Variants in LTBP1 observed in about 807,000 individuals in gnomAD.
LTBP1 encodes latent transforming growth factor beta binding protein 1.
A neutral mutation model predicts 207.6 loss-of-function variants in LTBP1; 129 were observed. The observed-to-expected ratio is 0.62, with a 90% CI of 0.54 to 0.72. The LOEUF is 0.72. LTBP1 is among the 30% of genes least tolerant of loss of function. LTBP1 has a pLI of 0.00. For synonymous variants in LTBP1, 963 were observed against 833.7 expected, an observed-to-expected ratio of 1.16 and a Z score of -2.67; for missense variants, 2,281 against 2,217.2, an observed-to-expected ratio of 1.03 and a Z score of -0.58.
chr2:33,327,136 A>T (rs544186116), intron 24 of LTBP1, among the ~76,000 whole-genome samples: 36 of 152,286 alleles, frequency 2.4e-4, no homozygotes, highest in African/African-American at 8.7e-4. Flanking sequence ...AGTGGTTCAG[A>T]TAGACTCTGG....
chr2:33,011,928 A>G (rs1172944514), intron 2 of LTBP1, among the ~76,000 whole-genome samples: 1 of 151,822 alleles, frequency 6.6e-6, no homozygotes, highest in East Asian at 1.9e-4. Context: ...TGTGTTATTT[A>G]TTTCTCTCCG....
At position 33,021,095 on chromosome 2, in the gene LTBP1, A is replaced by G. The variant is rs975296068; in HGVS notation, c.752A>G (p.His251Arg). 6.2e-7 allele frequency: 1 copy of G among 1,614,154 alleles called. No individual in the cohort carries two copies. Among genetic ancestry groups the G allele is most frequent in the Admixed American group, 1.7e-5 (1 of 60,018 alleles). ...SWGPPEQAAKHTSSKKADTLP... is the reference protein window; with the variant it reads ...SWGPPEQAAKRTSSKKADTLP... ...GGCCCTCCTGAGCAAGCAGCAAAGC[A>G]TACTTCATCTAAGAAGGCAGACACT... The change falls in exon 3 of 34, where the codon CAT becomes CGT. Residue 251 changes from histidine (H) to arginine (R), a missense_variant. This residue lies in a region of LTBP1 where 555 missense variants were observed against 491.0 expected (regional missense o/e 1.13). Coordinates refer to ENST00000404816, the MANE Select transcript of LTBP1 (RefSeq NM_206943.4).
At chr2:33,101,787 T>G (rs760129166) in intron 3 of LTBP1, among the ~76,000 whole-genome samples, 1 of 152,200 alleles carries the variant, frequency 6.6e-6, no homozygotes, top group Admixed American at 6.5e-5. Flanking sequence ...AGTAACCAAA[T>G]GTAGTAGCTC....
At chr2:33,228,818 G>A (rs916762103) in intron 9 of LTBP1, among the ~76,000 whole-genome samples, 5 of 149,352 alleles carry the variant, frequency 3.3e-5, no homozygotes, top group South Asian at 4.3e-4. Context: ...CCCTGCCTCG[G>A]CCTCCCAAGT....
rs1459765634 is a variant in LTBP1 at position 33,360,622 on chromosome 2, C to T, written c.4026C>T (p.Pro1342=). ...STDLDVDVDQ[P]KEEKKECYYN... ...ATTTAGATGTAGATGTAGATCAACCCAAAGAAGAAAAGAAAGAATGCTACT... is the reference window on the plus strand; with the variant it reads ...ATTTAGATGTAGATGTAGATCAACCTAAAGAAGAAAAGAAAGAATGCTACT... Residue 1342 remains proline, a synonymous_variant, in exon 27 of 34, where the codon CCC becomes CCT. Coordinates refer to ENST00000404816, the MANE Select transcript of LTBP1 (RefSeq NM_206943.4). 20 of 1,613,404 alleles carry T rather than the reference C, an allele frequency of 1.2e-5. No individual in the cohort carries two copies. In the East Asian group the frequency reaches 4.5e-4, roughly 36 times the overall value.
intron 3 of LTBP1, among the ~76,000 whole-genome samples, chr2:33,059,305 G>T (rs1460555681): frequency 6.6e-6 from 1 of 152,162 alleles, no homozygotes; most frequent in Non-Finnish European, 1.5e-5. Flanking sequence ...ATGTACTTGG[G>T]TAGTCAAGCG....
intron 5 of LTBP1, among the ~76,000 whole-genome samples, chr2:33,152,261 G>C (rs796865582): frequency 5.3e-5 from 8 of 152,194 alleles, no homozygotes; most frequent in African/African-American, 1.9e-4. Flanking sequence ...GGCTAAGGAC[G>C]TGAATGGACA....
At chr2:33,197,954 C>T (rs2088765004) in intron 7 of LTBP1, among the ~76,000 whole-genome samples, 1 of 152,098 alleles carries the variant, frequency 6.6e-6, no homozygotes. Context: ...CATATAAATA[C>T]CTGAGTTAAT....
chr2:33,017,979 TA>T (rs1688625422), intron 2 of LTBP1, among the ~76,000 whole-genome samples: 1 of 152,164 alleles, frequency 6.6e-6, no homozygotes, highest in Non-Finnish European at 1.5e-5. Flanking sequence ...CTCCGTGCTC[TA>T]GGGGGCACCT....
chr2:33,051,811 G>T (rs975706430), intron 3 of LTBP1, among the ~76,000 whole-genome samples: 37 of 152,148 alleles, frequency 2.4e-4, no homozygotes, highest in Admixed American at 2.6e-4. Context: ...TGCTCAATCT[G>T]CTAGGCTTAC....
At chr2:33,341,595 C>A (rs1327356585) in intron 24 of LTBP1, among the ~76,000 whole-genome samples, 1 of 150,944 alleles carries the variant, frequency 6.6e-6, no homozygotes, top group East Asian at 1.9e-4. Flanking sequence ...CCTGTAGTCC[C>A]AGCTACTCAG....
intron 13 of LTBP1, 128 bp downstream of exon 13, chr2:33,259,738 A>G: frequency 1.3e-6 from 1 of 791,688 alleles, no homozygotes; most frequent in Non-Finnish European, 1.9e-6. Flanking sequence ...GTTTGAGTTA[A>G]TATAGCATTC....
intron 4 of LTBP1, among the ~76,000 whole-genome samples, chr2:33,127,742 A>C (rs1272743916): frequency 6.6e-6 from 1 of 152,206 alleles, no homozygotes; most frequent in Non-Finnish European, 1.5e-5. Context: ...GGGTTGAAAC[A>C]TTTGGTTGTG....
At position 33,248,219 on chromosome 2, in the gene LTBP1, G is replaced by A. The variant is rs140185360; in HGVS notation, c.1999+4435G>A. ...AATAATAATTTTTATTGCAAACTTC[G>A]TAAATGCCAGGCACTGTGCTAAGCA... On this transcript the variant is annotated intron_variant, in intron 10 of 33. Coordinates refer to ENST00000404816, the MANE Select transcript of LTBP1 (RefSeq NM_206943.4). Among the ~76,000 whole-genome samples, 44 of 152,250 alleles carry A rather than the reference G, an allele frequency of 2.9e-4. 1 individual carries two copies. Among genetic ancestry groups the A allele is most frequent in the African/African-American group, 1.1e-3 (44 of 41,542 alleles).
At chr2:33,358,491 C>T (rs1056327403) in intron 26 of LTBP1, among the ~76,000 whole-genome samples, 3 of 151,630 alleles carry the variant, frequency 2.0e-5, no homozygotes, top group Non-Finnish European at 2.9e-5. Flanking sequence ...GCTTTGGACT[C>T]GAGAAGCCTA....
chr2:32,957,144 A>G (rs1403909321), intron 2 of LTBP1, among the ~76,000 whole-genome samples: 1 of 152,210 alleles, frequency 6.6e-6, no homozygotes, highest in African/African-American at 2.4e-5. Flanking sequence ...TTTGGCTTCA[A>G]CTTAAAGTCA....
At chr2:33,137,783 G>C (rs2082265825) in intron 5 of LTBP1, among the ~76,000 whole-genome samples, 1 of 152,190 alleles carries the variant, frequency 6.6e-6, no homozygotes, top group Non-Finnish European at 1.5e-5. Flanking sequence ...CTTAGGTTCA[G>C]AGTGTTAATT....
Position 33,188,427 on chromosome 2 carries a change from CAAAA to C in LTBP1, c.1427-136_1427-133del, listed in dbSNP as rs577171233. On this transcript the variant is annotated intron_variant, in intron 6 of 33. Coordinates refer to ENST00000404816, the MANE Select transcript of LTBP1 (RefSeq NM_206943.4). ...GGGTGACCAGAGCGAAACTCCATCT[CAAAA>C]AAAAAAAAAAAAAGAATTTTGATGG... 244 of 349,034 alleles carry C rather than the reference CAAAA, an allele frequency of 7.0e-4. 1 individual carries two copies. Among genetic ancestry groups the C allele is most frequent in the East Asian group, 9.2e-4 (18 of 19,560 alleles). The allele number at this position is 349,034 out of a possible 1,614,324, so 21.6% of individuals were successfully genotyped here. A position where few individuals can be genotyped will look rare whatever the true frequency, so the allele number is the denominator to read the frequency against.
chr2:33,198,206 A>C (rs965966209), intron 7 of LTBP1, among the ~76,000 whole-genome samples: 3 of 152,084 alleles, frequency 2.0e-5, no homozygotes, highest in African/African-American at 7.2e-5. Context: ...ACATTTATTG[A>C]TTTGCGTATA....
Sources: gnomAD v4.1 joint callset for allele counts (sites outside exome capture counted in the v4.1 genomes callset) on GRCh38, gnomAD v4.1.1 for gene constraint, gnomAD v4.1.1 regional missense constraint, MANE v1.5 for transcripts, NCBI Gene and HGNC (gene_info 2026-07-23, HGNC 2026-07-21) for gene names.